SLC35F3: variants seen among roughly 807,000 people sequenced by gnomAD.
SLC35F3 encodes putative thiamine transporter SLC35F3.
A neutral mutation model predicts 49.9 loss-of-function variants in SLC35F3; 25 were observed. That is an observed-to-expected ratio of 0.50 (90% CI 0.37 to 0.70). The LOEUF (loss-of-function observed/expected upper bound fraction) is 0.70, where lower values mean the gene tolerates loss of function less well. Among genes scored for constraint, SLC35F3 ranks in the 30% least tolerant of loss-of-function variants. The pLI is 0.00. For missense variants in SLC35F3, 525 were observed against 639.8 expected (o/e 0.82, Z 1.94); for synonymous variants, 275 against 265.4 (o/e 1.04, Z -0.35).
At chr1:234,263,032 A>G (rs911631281) in intron 3 of SLC35F3, among the ~76,000 whole-genome samples, 1 of 152,162 alleles carries the variant, frequency 6.6e-6, no homozygotes, top group Non-Finnish European at 1.5e-5. Flanking sequence ...GCATATGGGT[A>G]CCCTGCTGAT....
chr1:234,174,503 T>C (rs1666446728), intron 2 of SLC35F3, among the ~76,000 whole-genome samples: 1 of 152,236 alleles, frequency 6.6e-6, no homozygotes. Flanking sequence ...AATCCCGCCC[T>C]GTCTCTGAGA....
At chr1:233,912,239 G>A (rs753939530) in intron 2 of SLC35F3, among the ~76,000 whole-genome samples, 1 of 152,104 alleles carries the variant, frequency 6.6e-6, no homozygotes, top group African/African-American at 2.4e-5. Context: ...CAATGCTTTG[G>A]GAGGCCAAGG....
At chr1:234,311,156 C>T (rs543625496) in intron 4 of SLC35F3, among the ~76,000 whole-genome samples, 9 of 152,306 alleles carry the variant, frequency 5.9e-5, no homozygotes, top group East Asian at 1.9e-4. Context: ...TATTCCTCTC[C>T]GAAGTGCATG....
intron 2 of SLC35F3, among the ~76,000 whole-genome samples, chr1:234,051,486 T>C (rs1664375652): frequency 6.6e-6 from 1 of 152,222 alleles, no homozygotes; most frequent in South Asian, 2.1e-4. Flanking sequence ...TGCACATTGA[T>C]TTTATATTCT....
intron 3 of SLC35F3, among the ~76,000 whole-genome samples, chr1:234,305,448 C>T (rs142358084): frequency 1.2e-3 from 179 of 148,492 alleles, no homozygotes; most frequent in African/African-American, 4.2e-3. Context: ...AGTGGCACCA[C>T]CTTGGCTCAC....
intron 2 of SLC35F3, among the ~76,000 whole-genome samples, chr1:234,050,677 A>G (rs1388813012): frequency 2.6e-5 from 4 of 152,104 alleles, no homozygotes; most frequent in Non-Finnish European, 5.9e-5. Flanking sequence ...TTTTGTTGCC[A>G]TTGCTTTTGG....
chr1:234,038,698 G>A lies in SLC35F3; in HGVS notation c.283+132940G>A, dbSNP rs114131672. The stretch of plus-strand genomic sequence containing the variant: ...CAAAATGCAGTGGGGAACCATTGAA[G>A]GGCTCAAGTAGGGAACTGATAAGCC... On this transcript the variant is annotated intron_variant, in intron 2 of 7. Coordinates refer to ENST00000366618, the MANE Select transcript of SLC35F3 (RefSeq NM_173508.4). Among the ~76,000 whole-genome samples the A allele has an allele frequency of 4.0e-3, 615 of 152,310 alleles. 3 individuals carry two copies. The highest frequency in any genetic ancestry group is 0.014 in the African/African-American group (586 of 41,564).
At chr1:234,068,365 A>G (rs1051237262) in intron 2 of SLC35F3, among the ~76,000 whole-genome samples, 5 of 152,176 alleles carry the variant, frequency 3.3e-5, no homozygotes, top group Admixed American at 3.3e-4. Context: ...TGTCAGCCAG[A>G]TGCAGTCAAG....
intron 2 of SLC35F3, among the ~76,000 whole-genome samples, chr1:234,110,876 G>T (rs577347178): frequency 1.3e-5 from 2 of 152,282 alleles, no homozygotes; most frequent in South Asian, 4.1e-4. Flanking sequence ...CAAATAGGAT[G>T]TCAAGTAAGT....
chr1:234,161,320 G>A (rs1443600983), intron 2 of SLC35F3, among the ~76,000 whole-genome samples: 2 of 152,208 alleles, frequency 1.3e-5, no homozygotes, highest in Admixed American at 6.5e-5. Flanking sequence ...AGATCAAATT[G>A]GTAGTAGATT....
chr1:233,983,883 C>T (rs763042103), intron 2 of SLC35F3, among the ~76,000 whole-genome samples: 19 of 152,202 alleles, frequency 1.2e-4, no homozygotes, highest in Non-Finnish European at 2.8e-4. Flanking sequence ...GGAATCAGTG[C>T]TTCCTGAACT....
intron 2 of SLC35F3, among the ~76,000 whole-genome samples, chr1:234,135,712 G>A (rs962977089): frequency 6.6e-6 from 1 of 152,226 alleles, no homozygotes; most frequent in Admixed American, 6.5e-5. Context: ...GGTCTTTACT[G>A]AAGCTGGTCA....
intron 2 of SLC35F3, among the ~76,000 whole-genome samples, chr1:234,128,805 C>A (rs1665687861): frequency 6.6e-6 from 1 of 152,188 alleles, no homozygotes; most frequent in Non-Finnish European, 1.5e-5. Context: ...GTCTGGAGAG[C>A]AAGCACTTTC....
intron 2 of SLC35F3, among the ~76,000 whole-genome samples, chr1:233,949,211 T>C (rs1020574041): frequency 4.6e-5 from 7 of 152,122 alleles, no homozygotes; most frequent in African/African-American, 1.7e-4. Context: ...TAACTTTTCC[T>C]CGAATGCCTC....
At chr1:233,914,977 A>G (rs143452751) in intron 2 of SLC35F3, among the ~76,000 whole-genome samples, 1 of 152,298 alleles carries the variant, frequency 6.6e-6, no homozygotes, top group African/African-American at 2.4e-5. Context: ...ATGCAGCTTA[A>G]TTTATGACAG....
At chr1:234,230,810 A>C (rs776326739) in intron 2 of SLC35F3, among the ~76,000 whole-genome samples, 3 of 152,228 alleles carry the variant, frequency 2.0e-5, no homozygotes, top group Non-Finnish European at 4.4e-5. Context: ...GTTAAAGCAG[A>C]TAGAAAAGTA....
chr1:233,920,798 A>T (rs1452020104), intron 2 of SLC35F3, among the ~76,000 whole-genome samples: 1 of 152,236 alleles, frequency 6.6e-6, no homozygotes, highest in Non-Finnish European at 1.5e-5. Flanking sequence ...GTGGCAAAGG[A>T]TGGCAGGCGG....
Position 234,322,995 on chromosome 1 carries a change from C to G in SLC35F3, c.1238-13C>G. The G allele has an allele frequency of 6.2e-7, 1 of 1,611,484 alleles. No individual in the cohort carries two copies. The highest frequency in any genetic ancestry group is 8.5e-7 in the Non-Finnish European group (1 of 1,178,238). ...CCTGCAGCTGAGAAACCTCCATGCT[C>G]TGTCTCCCACAGTGATTGATCACTA... On this transcript the variant is annotated splice_polypyrimidine_tract_variant and intron_variant, in intron 7 of 7. Transcript: ENST00000366618.
chr1:233,925,728 C>A (rs1337030537), intron 2 of SLC35F3, among the ~76,000 whole-genome samples: 11 of 152,178 alleles, frequency 7.2e-5, no homozygotes, highest in Non-Finnish European at 1.5e-5. Context: ...TTCCTAGCAT[C>A]GATGGTCTTT....
Sources: gnomAD v4.1 joint callset for allele counts (sites outside exome capture counted in the v4.1 genomes callset) on GRCh38, gnomAD v4.1.1 for gene constraint, MANE v1.5 for transcripts, NCBI Gene and HGNC (gene_info 2026-07-23, HGNC 2026-07-21) for gene names.